FBXL7: variants seen among roughly 807,000 people sequenced by gnomAD.
FBXL7 encodes F-box and leucine rich repeat protein 7, also known as F-box/LRR-repeat protein 7.
FBXL7 carries 12 observed loss-of-function variants against 38.3 expected under a neutral mutation model. The observed-to-expected ratio is 0.31, with a 90% confidence interval of 0.20 to 0.51. FBXL7 has a LOEUF of 0.51. Ranked by LOEUF, FBXL7 falls within the 20% of genes least tolerant of loss-of-function variation. The pLI is 0.98. For missense variants in FBXL7, 567 were observed against 676.4 expected (o/e 0.84, Z 1.79); for synonymous variants, 297 against 300.9 (o/e 0.99, Z 0.13).
chr5:15,802,392 G>A (rs180777285), intron 2 of FBXL7, among the ~76,000 whole-genome samples: 39 of 143,192 alleles, frequency 2.7e-4, no homozygotes, highest in Admixed American at 7.6e-4. Flanking sequence ...CCGCCCCACC[G>A]TCCCTCTGAT....
chr5:15,813,719 C>T (rs1339507215), intron 2 of FBXL7, among the ~76,000 whole-genome samples: 1 of 151,868 alleles, frequency 6.6e-6, no homozygotes. Context: ...AGAACTTAAA[C>T]AAATTTACAA....
intron 1 of FBXL7, among the ~76,000 whole-genome samples, chr5:15,603,262 T>C (rs1561046734): frequency 6.6e-6 from 1 of 152,256 alleles, no homozygotes; most frequent in Non-Finnish European, 1.5e-5. Flanking sequence ...GTTTAGCATG[T>C]ATTTTTTGAA....
At chr5:15,634,506 G>GT (rs1561062228) in intron 2 of FBXL7, among the ~76,000 whole-genome samples, 2 of 55,236 alleles carry the variant, frequency 3.6e-5, no homozygotes, top group African/African-American at 7.7e-5. Flanking sequence ...ATTTTTAGTT[G>GT]GGGGGGGGGT....
At chr5:15,674,114 A>C (rs1411983224) in intron 2 of FBXL7, among the ~76,000 whole-genome samples, 1 of 152,190 alleles carries the variant, frequency 6.6e-6, no homozygotes, top group East Asian at 1.9e-4. Context: ...TTGAACCAGC[A>C]TTTCCTTAGC....
At chr5:15,612,368 G>A (rs932334934) in intron 1 of FBXL7, among the ~76,000 whole-genome samples, 4 of 152,134 alleles carry the variant, frequency 2.6e-5, no homozygotes, top group African/African-American at 9.7e-5. Context: ...TATGCACTTA[G>A]TGTTAGCTAT....
chr5:15,788,035 C>A (rs1052708847), intron 2 of FBXL7, among the ~76,000 whole-genome samples: 7 of 152,060 alleles, frequency 4.6e-5, no homozygotes, highest in Non-Finnish European at 7.4e-5. Flanking sequence ...TGGCTCCTGG[C>A]AATTTATGGC....
At chr5:15,795,436 A>G (rs921462397) in intron 2 of FBXL7, among the ~76,000 whole-genome samples, 1 of 152,220 alleles carries the variant, frequency 6.6e-6, no homozygotes, top group African/African-American at 2.4e-5. Flanking sequence ...CTGGAAGCCT[A>G]ATGTAATTGT....
intron 1 of FBXL7, among the ~76,000 whole-genome samples, chr5:15,581,928 A>G (rs1183927779): frequency 6.6e-6 from 1 of 152,046 alleles, no homozygotes; most frequent in South Asian, 2.1e-4. Flanking sequence ...GAGCTAAAAT[A>G]CATTCCAGAT....
chr5:15,593,845 A>G (rs897612462), intron 1 of FBXL7, among the ~76,000 whole-genome samples: 5 of 152,172 alleles, frequency 3.3e-5, no homozygotes, highest in African/African-American at 1.2e-4. Flanking sequence ...AGTGTATGTA[A>G]CTACGTCTTG....
rs758980104 is a variant in FBXL7 at position 15,844,847 on chromosome 5, A to G, written c.128-83043A>G. Among the ~76,000 whole-genome samples, 3 of 152,232 alleles carry G rather than the reference A, an allele frequency of 2.0e-5. No homozygotes were observed. In the South Asian group the frequency reaches 6.2e-4, roughly 32 times the overall value. On this transcript the variant is annotated intron_variant, in intron 2 of 3. Coordinates refer to ENST00000504595, the MANE Select transcript of FBXL7 (RefSeq NM_012304.5). ...ATTTCTGTACAAGGGATAAATCTCA[A>G]TCATTCACAGACCACTCCTGCATCC...
chr5:15,934,496 G>GTA (rs1249971675), intron 3 of FBXL7, among the ~76,000 whole-genome samples: 5 of 151,644 alleles, frequency 3.3e-5, no homozygotes, highest in Admixed American at 6.6e-5. Context: ...TATATAGTGT[G>GTA]TATATATATA....
chr5:15,515,210 A>T (rs1447611986), intron 1 of FBXL7, among the ~76,000 whole-genome samples: 2 of 152,174 alleles, frequency 1.3e-5, no homozygotes, highest in East Asian at 1.9e-4. Flanking sequence ...CCTTCAGCTG[A>T]CAGTTAAGAG....
chr5:15,659,156 C>A (rs1741978956), intron 2 of FBXL7, among the ~76,000 whole-genome samples: 2 of 152,086 alleles, frequency 1.3e-5, no homozygotes, highest in African/African-American at 4.8e-5. Context: ...CACTGAGTTA[C>A]CCTTATAAAA....
chr5:15,684,009 T>G (rs1218781464), intron 2 of FBXL7, among the ~76,000 whole-genome samples: 2 of 152,212 alleles, frequency 1.3e-5, no homozygotes, highest in African/African-American at 2.4e-5. Flanking sequence ...TAAATTATTT[T>G]AATAATTTTC....
intron 3 of FBXL7, among the ~76,000 whole-genome samples, chr5:15,931,546 C>G (rs1278117595): frequency 6.6e-6 from 1 of 152,166 alleles, no homozygotes; most frequent in Non-Finnish European, 1.5e-5. Flanking sequence ...GGAATTGTTT[C>G]AAACTACAAG....
At chr5:15,887,342 C>T (rs993678626) in intron 2 of FBXL7, among the ~76,000 whole-genome samples, 11 of 151,956 alleles carry the variant, frequency 7.2e-5, no homozygotes, top group African/African-American at 2.2e-4. Flanking sequence ...AGAGGGAGAA[C>T]GAGGGAGGAA....
intron 2 of FBXL7, among the ~76,000 whole-genome samples, chr5:15,905,101 T>C (rs1477281275): frequency 6.6e-6 from 1 of 152,224 alleles, no homozygotes; most frequent in Non-Finnish European, 1.5e-5. Context: ...ACAAGACTCT[T>C]GACATTGCCA....
intron 1 of FBXL7, among the ~76,000 whole-genome samples, chr5:15,553,469 A>C (rs1004526632): frequency 3.9e-5 from 6 of 152,178 alleles, no homozygotes; most frequent in Non-Finnish European, 7.4e-5. Flanking sequence ...TAATTTATTC[A>C]TTAAGGCTTA....
intron 2 of FBXL7, among the ~76,000 whole-genome samples, chr5:15,865,419 A>C (rs1739664638): frequency 6.6e-6 from 1 of 152,198 alleles, no homozygotes; most frequent in Non-Finnish European, 1.5e-5. Context: ...TTAAAGAGAG[A>C]AAGATTTGAA....
Sources: gnomAD v4.1 joint callset for allele counts (sites outside exome capture counted in the v4.1 genomes callset) on GRCh38, gnomAD v4.1.1 for gene constraint, MANE v1.5 for transcripts, NCBI Gene and HGNC (gene_info 2026-07-23, HGNC 2026-07-21) for gene names.